Variants in ITPR1 observed in about 807,000 individuals in gnomAD.
ITPR1 encodes inositol 1,4,5-trisphosphate receptor type 1.
Under a neutral mutation model 318.4 loss-of-function variants are expected in ITPR1, and 96 were observed. The ratio of observed to expected loss-of-function variants is 0.30; its 90% CI spans 0.26 to 0.36. The LOEUF is 0.36. Ranked by LOEUF, ITPR1 falls within the 10% of genes least tolerant of loss-of-function variation. The pLI, the probability that ITPR1 is intolerant of heterozygous loss-of-function variation, is 1.00. For synonymous variants in ITPR1, 1,312 were observed against 1,289.9 expected (o/e 1.02, Z -0.37); for missense variants, 2,440 against 3,460.2 (o/e 0.71, Z 7.40).
At chr3:4,596,706 A>G (rs532925582) in intron 4 of ITPR1, among the ~76,000 whole-genome samples, 2 of 152,300 alleles carry the variant, frequency 1.3e-5, no homozygotes, top group African/African-American at 2.4e-5. Flanking sequence ...TCTTGTGATC[A>G]GAGCTGCTCG....
At chr3:4,540,184 A>T (rs1283415279) in intron 4 of ITPR1, among the ~76,000 whole-genome samples, 1 of 152,128 alleles carries the variant, frequency 6.6e-6, no homozygotes, top group African/African-American at 2.4e-5. Flanking sequence ...GTAAATGCTT[A>T]GATTTATACA....
At chr3:4,764,880 G>C (rs2045703776) in intron 44 of ITPR1, among the ~76,000 whole-genome samples, 1 of 151,966 alleles carries the variant, frequency 6.6e-6, no homozygotes, top group Admixed American at 6.6e-5. Context: ...GCTCCTTTTT[G>C]TTCACTTCTC....
At chr3:4,691,592 C>T (rs758303776) in intron 32 of ITPR1, among the ~76,000 whole-genome samples, 3 of 152,040 alleles carry the variant, frequency 2.0e-5, no homozygotes, top group Non-Finnish European at 4.4e-5. Flanking sequence ...TGACAGGGGA[C>T]AGAAAGAGGA....
chr3:4,695,812 C>T (rs982931442), intron 33 of ITPR1, among the ~76,000 whole-genome samples: 32 of 152,276 alleles, frequency 2.1e-4, no homozygotes, highest in African/African-American at 7.7e-4. Context: ...TTTCATTCTT[C>T]TACTGATGCT....
intron 33 of ITPR1, among the ~76,000 whole-genome samples, chr3:4,696,678 T>TG (rs2094563659): frequency 6.6e-6 from 1 of 151,436 alleles, no homozygotes; most frequent in Non-Finnish European, 1.5e-5. Flanking sequence ...CGTGTGTTTT[T>TG]TTTTTTTTTT....
chr3:4,793,321 C>T (rs2047689452), intron 52 of ITPR1, among the ~76,000 whole-genome samples: 1 of 152,230 alleles, frequency 6.6e-6, no homozygotes, highest in Admixed American at 6.5e-5. Flanking sequence ...CGAATGCTGG[C>T]TTACACAGAC....
chr3:4,718,993 A>T (rs933329682), intron 40 of ITPR1, among the ~76,000 whole-genome samples: 3 of 152,252 alleles, frequency 2.0e-5, no homozygotes, highest in Non-Finnish European at 4.4e-5. Flanking sequence ...AAGTCGGGAA[A>T]GGAAAACCTT....
intron 4 of ITPR1, among the ~76,000 whole-genome samples, chr3:4,545,691 CTTTTT>C (rs71623167): frequency 9.7e-6 from 1 of 103,404 alleles, no homozygotes; most frequent in South Asian, 3.2e-4. Flanking sequence ...AGTATGCAAA[CTTTTT>C]TTTTTTTTTT....
intron 5 of ITPR1, among the ~76,000 whole-genome samples, chr3:4,635,254 G>T (rs1211225005): frequency 2.0e-5 from 3 of 152,248 alleles, no homozygotes; most frequent in Non-Finnish European, 4.4e-5. Context: ...TTAAGTCAAT[G>T]TTATGTTGAG....
chr3:4,653,729 C>T (rs1274907620), intron 11 of ITPR1, 113 bp from the exon 12 acceptor site: 1 of 693,242 alleles, frequency 1.4e-6, no homozygotes, highest in Admixed American at 2.3e-5. Flanking sequence ...AGGGAATGGA[C>T]AAGTTCTTAG....
intron 14 of ITPR1, among the ~76,000 whole-genome samples, 159 bp downstream of exon 14, chr3:4,661,246 G>A (rs567976170): frequency 2.0e-5 from 3 of 152,270 alleles, no homozygotes; most frequent in African/African-American, 4.8e-5. Flanking sequence ...TACTCTCCAC[G>A]AGACCTGAGT....
intron 32 of ITPR1, 115 bp downstream of exon 32, chr3:4,691,459 A>G: frequency 1.5e-6 from 1 of 685,006 alleles, no homozygotes; most frequent in Non-Finnish European, 2.5e-6. Context: ...AGAAGGACAG[A>G]AAGTAATTGT....
Position 4,547,077 on chromosome 3 carries a change from C to A in ITPR1, c.163+25983C>A, listed in dbSNP as rs191370741. On this transcript the variant is annotated intron_variant, in intron 4 of 61. Coordinates refer to ENST00000649015, the MANE Select transcript of ITPR1 (RefSeq NM_001378452.1). ...CGTTGGACTAGAAAGTGAAACACAG[C>A]AAAACTTTTATTGAGTGTCTACTCC... Among the ~76,000 whole-genome samples, 161 of 152,272 alleles carry A rather than the reference C, an allele frequency of 1.1e-3. 1 individual carries two copies. Among genetic ancestry groups the A allele is most frequent in the African/African-American group, 3.4e-3 (140 of 41,548 alleles).
intron 46 of ITPR1, among the ~76,000 whole-genome samples, chr3:4,769,137 T>C (rs1255578848): frequency 6.6e-6 from 1 of 152,072 alleles, no homozygotes; most frequent in Admixed American, 6.5e-5. Context: ...TGACCTCAAG[T>C]GATCCCCCCA....
intron 5 of ITPR1, among the ~76,000 whole-genome samples, chr3:4,638,008 G>A (rs770937399): frequency 4.6e-5 from 7 of 152,152 alleles, no homozygotes; most frequent in Non-Finnish European, 1.0e-4. Flanking sequence ...GCCCTAAAAG[G>A]CTTGTATTGT....
chr3:4,802,806 G>C (rs1479165930), intron 54 of ITPR1, among the ~76,000 whole-genome samples: 2 of 151,672 alleles, frequency 1.3e-5, no homozygotes, highest in Non-Finnish European at 2.9e-5. Flanking sequence ...TCCAGCCTGG[G>C]TGACAGAATG....
chr3:4,658,403 G>T, intron 13 of ITPR1, 125 bp downstream of exon 13: 1 of 810,818 alleles, frequency 1.2e-6, no homozygotes. Context: ...TTGGTGAAAG[G>T]TTTGCACTGA....
intron 4 of ITPR1, among the ~76,000 whole-genome samples, chr3:4,601,308 C>T (rs756600595): frequency 6.0e-5 from 9 of 150,928 alleles, no homozygotes; most frequent in Non-Finnish European, 1.0e-4. Flanking sequence ...CACTTGAGCC[C>T]AGGAGTTCGA....
intron 4 of ITPR1, among the ~76,000 whole-genome samples, chr3:4,543,707 T>G (rs1412640347): frequency 6.6e-6 from 1 of 152,198 alleles, no homozygotes; most frequent in Non-Finnish European, 1.5e-5. Context: ...CCTCCCAAAG[T>G]GCTGGGATTA....
Sources: gnomAD v4.1 joint callset for allele counts (sites outside exome capture counted in the v4.1 genomes callset) on GRCh38, gnomAD v4.1.1 for gene constraint, MANE v1.5 for transcripts, NCBI Gene and HGNC (gene_info 2026-07-23, HGNC 2026-07-21) for gene names.